The following B3GALT1 variants were observed in gnomAD, a reference collection of about 807,000 sequenced individuals.
B3GALT1 encodes UDP-Gal:betaGlcNAc beta 1,3-galactosyltransferase, polypeptide 1.
A neutral mutation model predicts 23.2 loss-of-function variants in B3GALT1; 10 were observed. The observed-to-expected ratio is 0.43, with a 90% CI of 0.27 to 0.73. The LOEUF is 0.73. B3GALT1 is among the 30% of genes least tolerant of loss of function. The pLI, the probability that B3GALT1 is intolerant of heterozygous loss-of-function variation, is 0.21. For missense variants in B3GALT1, 299 were observed against 405.4 expected, an observed-to-expected ratio of 0.74 and a Z score of 2.25; for synonymous variants, 156 against 141.5, an observed-to-expected ratio of 1.10 and a Z score of -0.73.
intron 3 of B3GALT1, among the ~76,000 whole-genome samples, chr2:167,704,826 C>T (rs1686944500): frequency 6.6e-6 from 1 of 152,054 alleles, no homozygotes; most frequent in African/African-American, 2.4e-5. Flanking sequence ...ATCTAATTTC[C>T]AGATACCCCA....
intron 1 of B3GALT1, among the ~76,000 whole-genome samples, chr2:167,338,081 A>G (rs1697087491): frequency 6.6e-6 from 1 of 152,192 alleles, no homozygotes; most frequent in Non-Finnish European, 1.5e-5. Flanking sequence ...AAGATTGCAT[A>G]TTTCCAAGAT....
At chr2:167,312,310 T>G (rs565850416) in intron 1 of B3GALT1, among the ~76,000 whole-genome samples, 4 of 151,954 alleles carry the variant, frequency 2.6e-5, no homozygotes, top group African/African-American at 9.6e-5. Flanking sequence ...ATGGAGAGAA[T>G]AAAAAACAAA....
rs184223193 is a variant in B3GALT1 at position 167,561,250 on chromosome 2, G to A, written c.-410+70973G>A. 2.7e-3 allele frequency among the ~76,000 whole-genome samples: 415 copies of A among 152,210 alleles called. 1 individual carries two copies. The highest frequency in any genetic ancestry group is 3.4e-3 in the Non-Finnish European group (228 of 67,998). On this transcript the variant is annotated intron_variant, in intron 2 of 4. Transcript: ENST00000392690. ...AGGCAGACATAAAGATGTTCTTTAT[G>A]TACCAACAAGAACAAAGACACAACA...
chr2:167,310,400 G>T (rs182718504), intron 1 of B3GALT1, among the ~76,000 whole-genome samples: 9 of 152,120 alleles, frequency 5.9e-5, no homozygotes. Context: ...ACTGATGGAA[G>T]GATAGGAAGT....
chr2:167,709,639 C>T (rs907611206), intron 3 of B3GALT1, among the ~76,000 whole-genome samples: 5 of 152,108 alleles, frequency 3.3e-5, no homozygotes, highest in Admixed American at 1.3e-4. Context: ...GATAGTTGTA[C>T]ATCAGAATGC....
At chr2:167,487,013 A>T (rs1284625267) in intron 1 of B3GALT1, among the ~76,000 whole-genome samples, 1 of 152,224 alleles carries the variant, frequency 6.6e-6, no homozygotes, top group Admixed American at 6.5e-5. Context: ...AAAAATATTA[A>T]ATATGTGAAA....
intron 2 of B3GALT1, among the ~76,000 whole-genome samples, chr2:167,573,906 G>A (rs1386443796): frequency 6.6e-6 from 1 of 151,634 alleles, no homozygotes; most frequent in Non-Finnish European, 1.5e-5. Context: ...CGAATTCTAT[G>A]TACAAGTTTC....
intron 3 of B3GALT1, among the ~76,000 whole-genome samples, chr2:167,810,951 A>G (rs1486527176): frequency 1.3e-5 from 2 of 152,230 alleles, no homozygotes; most frequent in Non-Finnish European, 2.9e-5. Context: ...TCAGTACCAG[A>G]ATGGGCTGCC....
intron 1 of B3GALT1, among the ~76,000 whole-genome samples, chr2:167,434,403 A>G (rs1238110307): frequency 6.6e-6 from 1 of 152,006 alleles, no homozygotes; most frequent in Non-Finnish European, 1.5e-5. Context: ...CTCATTGCCA[A>G]CTGGTTTCAT....
chr2:167,672,455 T>C (rs2105484865), intron 3 of B3GALT1, among the ~76,000 whole-genome samples: 1 of 152,254 alleles, frequency 6.6e-6, no homozygotes, highest in Non-Finnish European at 1.5e-5. Flanking sequence ...TCATCTTCAT[T>C]CCTTCTTCTA....
At chr2:167,641,885 C>T in intron 2 of B3GALT1, among the ~76,000 whole-genome samples, 1 of 152,174 alleles carries the variant, frequency 6.6e-6, no homozygotes, top group East Asian at 1.9e-4. Flanking sequence ...CCATCCTTGA[C>T]TTTTCCTAAG....
rs1202530307 is a variant in B3GALT1, at chr2:167,870,978, C to A, written c.*958C>A. Reference sequence around the variant, plus strand: ...AGCTTAGCAATAGTATAAGATGCCCCCACACACAGACATTTGCAAAGCACA... The same window carrying A: ...AGCTTAGCAATAGTATAAGATGCCCACACACACAGACATTTGCAAAGCACA... On this transcript the variant is annotated 3_prime_UTR_variant, in exon 5 of 5. Transcript: ENST00000392690. 2.4e-5 allele frequency: 4 copies of A among 164,940 alleles called. No individual in the cohort carries two copies. The highest frequency in any genetic ancestry group is 7.2e-5 in the African/African-American group (3 of 41,410). The allele number at this position is 164,940 out of a possible 1,614,324, so 10.2% of individuals were successfully genotyped here.
chr2:167,425,457 A>G (rs530023034), intron 1 of B3GALT1, among the ~76,000 whole-genome samples: 2 of 152,360 alleles, frequency 1.3e-5, no homozygotes, highest in South Asian at 4.1e-4. Flanking sequence ...AAAAGCATTT[A>G]TCTCAACTAA....
chr2:167,808,087 G>A (rs1688796670), intron 3 of B3GALT1, among the ~76,000 whole-genome samples: 1 of 151,786 alleles, frequency 6.6e-6, no homozygotes. Flanking sequence ...GATCTTTGTT[G>A]GTTTAAAGTC....
intron 3 of B3GALT1, among the ~76,000 whole-genome samples, chr2:167,677,956 A>G (rs1369599612): frequency 6.6e-6 from 1 of 152,168 alleles, no homozygotes; most frequent in African/African-American, 2.4e-5. Flanking sequence ...CTATCATGAT[A>G]ACAGCATGAG....
intron 1 of B3GALT1, among the ~76,000 whole-genome samples, chr2:167,374,532 AT>A (rs1188774662): frequency 6.6e-6 from 1 of 151,830 alleles, no homozygotes; most frequent in Non-Finnish European, 1.5e-5. Context: ...TCTGTTTTTT[AT>A]CTTTTTAATA....
At chr2:167,467,676 T>C (rs1267099233) in intron 1 of B3GALT1, among the ~76,000 whole-genome samples, 1 of 152,190 alleles carries the variant, frequency 6.6e-6, no homozygotes, top group Non-Finnish European at 1.5e-5. Flanking sequence ...GAATTTGTAT[T>C]TTGTTTGTCA....
chr2:167,823,489 T>C (rs1410948631), intron 4 of B3GALT1, among the ~76,000 whole-genome samples: 4 of 152,190 alleles, frequency 2.6e-5, no homozygotes, highest in Non-Finnish European at 5.9e-5. Flanking sequence ...GGAATGCCAT[T>C]TTCTCATTTG....
intron 3 of B3GALT1, among the ~76,000 whole-genome samples, chr2:167,696,088 C>G (rs1056988162): frequency 6.6e-6 from 1 of 152,010 alleles, no homozygotes; most frequent in Non-Finnish European, 1.5e-5. Context: ...GATTCTATTC[C>G]TAAAGAATGA....
Sources: gnomAD v4.1 joint callset for allele counts (sites outside exome capture counted in the v4.1 genomes callset) on GRCh38, gnomAD v4.1.1 for gene constraint, MANE v1.5 for transcripts, NCBI Gene and HGNC (gene_info 2026-07-23, HGNC 2026-07-21) for gene names.